Variants in VAV2 observed in about 807,000 individuals in gnomAD.
VAV2 encodes the protein vav guanine nucleotide exchange factor 2, also known as guanine nucleotide exchange factor VAV2.
In VAV2, 67 loss-of-function variants were observed where a neutral mutation model predicts 132.5. The observed-to-expected ratio is 0.51, with a 90% CI of 0.42 to 0.62. The LOEUF is 0.62. Among genes scored for constraint, VAV2 ranks in the 20% least tolerant of loss-of-function variants. VAV2 has a pLI of 0.00. For missense variants in VAV2, 938 were observed against 1,153.6 expected (o/e 0.81, Z 2.71); for synonymous variants, 492 against 443.5 (o/e 1.11, Z -1.37).
At chr9:133,839,841 CG>C (rs1358451614) in intron 3 of VAV2, among the ~76,000 whole-genome samples, 1 of 152,148 alleles carries the variant, frequency 6.6e-6, no homozygotes, top group Non-Finnish European at 1.5e-5. Context: ...ACACTGACCT[CG>C]ATTAAACAGT....
chr9:133,819,309 C>A lies in VAV2; in HGVS notation c.450-7093G>T, dbSNP rs548804820. Among the ~76,000 whole-genome samples the A allele has an allele frequency of 5.9e-5, 9 of 151,622 alleles. No homozygotes were observed. In the East Asian group the frequency reaches 1.6e-3, roughly 26 times the overall value. On this transcript the variant is annotated intron_variant, in intron 4 of 29. Coordinates refer to ENST00000371850, the MANE Select transcript of VAV2 (RefSeq NM_001134398.2). The stretch of plus-strand genomic sequence containing the variant: ...AAATACAAAAAAAAAATTAGCCGGG[C>A]GTGGTGGCGGGTGCCTGTAGTCCCA...
chr9:133,814,268 C>T (rs1835470762), intron 4 of VAV2, among the ~76,000 whole-genome samples: 1 of 152,386 alleles, frequency 6.6e-6, no homozygotes, highest in Non-Finnish European at 1.5e-5. Context: ...AATCACCTCC[C>T]CTGCCTCTCC....
intron 9 of VAV2, among the ~76,000 whole-genome samples, chr9:133,800,650 A>G (rs1401977103): frequency 1.3e-5 from 2 of 152,172 alleles, no homozygotes; most frequent in African/African-American, 2.4e-5. Flanking sequence ...AGCGGATAAC[A>G]TGCCTGGTGC....
At chr9:133,882,589 C>T (rs1264820903) in intron 2 of VAV2, among the ~76,000 whole-genome samples, 1 of 152,162 alleles carries the variant, frequency 6.6e-6, no homozygotes, top group South Asian at 2.1e-4. Flanking sequence ...TCCCCACCCC[C>T]GCGACCTCTG....
At chr9:133,985,999 TGA>T (rs1378868885) in intron 1 of VAV2, among the ~76,000 whole-genome samples, 1 of 150,700 alleles carries the variant, frequency 6.6e-6, no homozygotes, top group Non-Finnish European at 1.5e-5. Context: ...AAGAAAAGAC[TGA>T]GAGAGATGAG....
In VAV2 at chr9:133,779,919, T is replaced by C. The variant is rs777607270; in HGVS notation, c.1761A>G (p.Pro587=). Residue 587 remains proline (P), a splice_region_variant and synonymous_variant, in exon 21 of 30, where the codon CCA becomes CCG. Coordinates refer to ENST00000371850, the MANE Select transcript of VAV2 (RefSeq NM_001134398.2). ...PADLDASGAG[P]GPKMVAMQNY... ...AGGGCCCAGGTCCAGAAGACTCACC[T>C]GGTCCCGCTCCGGAGGCGTCCTGTG... The C allele has an allele frequency of 9.3e-6, 15 of 1,612,206 alleles. No homozygotes were observed. The highest frequency in any genetic ancestry group is 1.7e-4 in the Middle Eastern group (1 of 6,058).
chr9:133,838,985 T>G, intron 3 of VAV2, among the ~76,000 whole-genome samples: 1 of 132,370 alleles, frequency 7.6e-6, no homozygotes, highest in African/African-American at 2.9e-5. Flanking sequence ...GATGGATGAA[T>G]GGATGGATGG....
intron 3 of VAV2, among the ~76,000 whole-genome samples, chr9:133,843,434 T>G (rs1239758225): frequency 6.6e-6 from 1 of 152,170 alleles, no homozygotes; most frequent in Non-Finnish European, 1.5e-5. Context: ...CTCAAACTCT[T>G]GGCCTCACGC....
chr9:133,916,306 C>G (rs2789833), intron 2 of VAV2, among the ~76,000 whole-genome samples: 136,519 of 152,334 alleles, frequency 0.9, 62,855 homozygotes, highest in East Asian at 1. Flanking sequence ...ATGAATTGCC[C>G]GCGGAGCCTG....
chr9:133,847,675 C>G (rs1326869848), intron 3 of VAV2, among the ~76,000 whole-genome samples: 3 of 152,176 alleles, frequency 2.0e-5, no homozygotes, highest in Non-Finnish European at 4.4e-5. Flanking sequence ...CGCTGCCCAA[C>G]GGGTTGGCCC....
In VAV2 at chr9:133,928,555, C is replaced by T. The variant is rs1840563221; in HGVS notation, c.321+10548G>A. Among the ~76,000 whole-genome samples the T allele has an allele frequency of 6.6e-6, 1 of 152,182 alleles. No homozygotes were observed. The highest frequency in any genetic ancestry group is 1.5e-5 in the Non-Finnish European group (1 of 68,036). On this transcript the variant is annotated intron_variant, in intron 2 of 29. Coordinates refer to ENST00000371850, the MANE Select transcript of VAV2 (RefSeq NM_001134398.2). This position sits in a 1 kb window ranked among gnomAD's most constrained non-coding sequence, Gnocchi z 5.4. ...CATTAGCATCTCAGAGTCATCAGAC[C>T]GACTGGCAGAAAGGCCTCGGGTGAG...
chr9:133,881,743 G>A (rs927113944), intron 2 of VAV2, among the ~76,000 whole-genome samples: 1 of 152,210 alleles, frequency 6.6e-6, no homozygotes, highest in African/African-American at 2.4e-5. Context: ...TATATTTTCA[G>A]CCCAGACAGG....
intron 1 of VAV2, among the ~76,000 whole-genome samples, chr9:133,950,388 G>A (rs1588158713): frequency 6.6e-6 from 1 of 152,028 alleles, no homozygotes; most frequent in Admixed American, 6.6e-5. Context: ...TGCATGCTAG[G>A]CCGCCGCCCA....
intron 3 of VAV2, among the ~76,000 whole-genome samples, chr9:133,860,042 C>T (rs971561069): frequency 4.6e-5 from 7 of 152,166 alleles, no homozygotes; most frequent in South Asian, 2.1e-4. Context: ...GTGGCTCACA[C>T]CTGTAATCCC....
intron 2 of VAV2, among the ~76,000 whole-genome samples, chr9:133,865,706 T>C (rs1837771020): frequency 6.6e-6 from 1 of 152,222 alleles, no homozygotes; most frequent in Admixed American, 6.5e-5. Flanking sequence ...CACATGCTGA[T>C]TTGTTTCTTT....
In VAV2 at chr9:133,768,447, C is replaced by A; in HGVS notation, c.2584G>T (p.Gly862Ter). The change falls in exon 29 of 30, where the codon GGA (glycine) becomes TGA (stop). Residue 862 changes from glycine (G) to a stop codon, truncating the protein, a stop_gained. Transcript: ENST00000371850. LOFTEE classifies it high-confidence loss of function. The surrounding 1 kb of genome is among the most constrained non-coding windows in gnomAD (Gnocchi z 5.3). Reference protein sequence around the residue: ...DQGWWKGETNGRIGWFPSTYV... With the variant: ...DQGWWKGETN Reference sequence around the variant, plus strand: ...CTCAGGGTGGGGCCACTCACCCGTCCGTTGGTCTCGCCCTTCCACCAGCCC... The same window carrying A: ...CTCAGGGTGGGGCCACTCACCCGTCAGTTGGTCTCGCCCTTCCACCAGCCC... 6.2e-7 allele frequency: 1 copy of A among 1,613,040 alleles called. No individual in the cohort carries two copies. Among genetic ancestry groups the A allele is most frequent in the Non-Finnish European group, 8.5e-7 (1 of 1,179,900 alleles).
rs369885896 is a variant in VAV2, at chr9:133,775,063, G to A, written c.2019-12C>T. 29 of 1,594,918 alleles carry A rather than the reference G, an allele frequency of 1.8e-5. No homozygotes were observed. The African/African-American group carries it at 3.4e-4, about 18-fold the overall frequency. On this transcript the variant is annotated splice_polypyrimidine_tract_variant and intron_variant, in intron 24 of 29. Coordinates refer to ENST00000371850, the MANE Select transcript of VAV2 (RefSeq NM_001134398.2). ...TGTTACCTGCAAACCTACAGGAGGG[G>A]GCCGGGAGGAAACGAGAGCCGCAGT...
At position 133,802,323 on chromosome 9, in the gene VAV2, TACACACACACACACAC is replaced by T. The variant is rs58155949; in HGVS notation, c.836+3742_836+3757del. ...GCACACAAACACACAAGCACGCGTG[TACACACACACACACAC>T]ACACACACACACACACGACTTCATG... On this transcript the variant is annotated intron_variant, in intron 9 of 29. Coordinates refer to ENST00000371850, the MANE Select transcript of VAV2 (RefSeq NM_001134398.2). This position sits in a 1 kb window ranked among gnomAD's most constrained non-coding sequence, Gnocchi z 5.8. 2.1e-5 allele frequency among the ~76,000 whole-genome samples: 3 copies of T among 142,096 alleles called. No homozygotes were observed. Among genetic ancestry groups the T allele is most frequent in the Non-Finnish European group, 3.1e-5 (2 of 65,566 alleles). The allele number at this position is 142,096 out of a possible 152,430, so 93.2% of individuals were successfully genotyped here. A position where few individuals can be genotyped will look rare whatever the true frequency, so the allele number is the denominator to read the frequency against.
rs1411696176 is a variant in VAV2, at chr9:133,771,987, G to A, written c.2195C>T (p.Thr732Ile). The change falls in exon 26 of 30, where the codon ACA (threonine) becomes ATA (isoleucine). Residue 732 changes from threonine (T) to isoleucine (I), a missense_variant. Coordinates refer to ENST00000371850, the MANE Select transcript of VAV2 (RefSeq NM_001134398.2). ...GAGGCTGTCGAATTTCTTGGCCTCTGTGATGTGGATCCAGTTGTCCTTCTC... is the reference window on the plus strand; with the variant it reads ...GAGGCTGTCGAATTTCTTGGCCTCTATGATGTGGATCCAGTTGTCCTTCTC... ...VVEKDNWIHITEAKKFDSLLE... is the reference protein window; with the variant it reads ...VVEKDNWIHIIEAKKFDSLLE... 4.4e-6 allele frequency: 7 copies of A among 1,604,810 alleles called. No individual in the cohort carries two copies. Among genetic ancestry groups the A allele is most frequent in the Non-Finnish European group, 6.0e-6 (7 of 1,175,504 alleles).
Sources: gnomAD v4.1 joint callset for allele counts (sites outside exome capture counted in the v4.1 genomes callset) on GRCh38, gnomAD v4.1.1 for gene constraint, Gnocchi (gnomAD v3.1) non-coding constraint, MANE v1.5 for transcripts, NCBI Gene and HGNC (gene_info 2026-07-23, HGNC 2026-07-21) for gene names.